Variants in FMN1 observed in about 807,000 individuals in gnomAD.
FMN1 encodes formin-1.
Under a neutral mutation model 132.4 loss-of-function variants are expected in FMN1, and 110 were observed. That is an observed-to-expected ratio of 0.83 (90% CI 0.71 to 0.97). FMN1 has a LOEUF of 0.97. FMN1 is among the 50% of genes least tolerant of loss of function. The pLI is 0.00. For missense variants in FMN1, 1,792 were observed against 1,705.3 expected, an observed-to-expected ratio of 1.05 and a Z score of -0.90; for synonymous variants, 722 against 651.7, an observed-to-expected ratio of 1.11 and a Z score of -1.64.
chr15:32,820,402 C>CA, intron 17 of FMN1, among the ~76,000 whole-genome samples: 1 of 152,230 alleles, frequency 6.6e-6, no homozygotes, highest in South Asian at 2.1e-4. Context: ...AAATATTTTG[C>CA]AAAATTAATC....
intron 9 of FMN1, among the ~76,000 whole-genome samples, chr15:32,960,853 G>A (rs1203332258): frequency 6.6e-6 from 1 of 151,374 alleles, no homozygotes; most frequent in Non-Finnish European, 1.5e-5. Flanking sequence ...AAATTAGCCG[G>A]GCATGGTGGT....
chr15:33,076,387 G>A (rs1448600432), intron 5 of FMN1, among the ~76,000 whole-genome samples: 1 of 152,158 alleles, frequency 6.6e-6, no homozygotes, highest in African/African-American at 2.4e-5. Context: ...CATGGCTACT[G>A]CTATAACTTT....
chr15:33,017,834 G>A (rs1212752139), intron 6 of FMN1, among the ~76,000 whole-genome samples: 1 of 152,202 alleles, frequency 6.6e-6, no homozygotes, highest in Non-Finnish European at 1.5e-5. Flanking sequence ...GGAGACTGAG[G>A]CGGACGGATT....
chr15:33,109,569 C>T (rs1390095472), intron 4 of FMN1, among the ~76,000 whole-genome samples: 1 of 152,024 alleles, frequency 6.6e-6, no homozygotes, highest in Non-Finnish European at 1.5e-5. Flanking sequence ...GGCTACTATC[C>T]TTAGCAAACT....
At chr15:32,776,997 A>G in intron 19 of FMN1, 78 bp from the exon 20 acceptor site, 7 of 867,590 alleles carry the variant, frequency 8.1e-6, no homozygotes, top group Non-Finnish European at 1.3e-5. Flanking sequence ...AAAAGAGTTA[A>G]GGCAGGTTAA....
intron 3 of FMN1, among the ~76,000 whole-genome samples, chr15:33,165,924 T>C (rs1965089492): frequency 6.6e-6 from 1 of 152,242 alleles, no homozygotes; most frequent in South Asian, 2.1e-4. Context: ...TATTTTTTGG[T>C]TGTTGTTGTT....
At chr15:32,962,802 C>T (rs1215272941) in intron 9 of FMN1, among the ~76,000 whole-genome samples, 1 of 151,778 alleles carries the variant, frequency 6.6e-6, no homozygotes, top group Non-Finnish European at 1.5e-5. Context: ...GATACCATCT[C>T]AAACCAGTTA....
In FMN1 at chr15:32,793,071, A is replaced by G. The variant is rs373722771; in HGVS notation, c.4130+5733T>C. Reference sequence around the variant, plus strand: ...AATGAACGTAAATCATTCTTTTAAAAGAAGTTAGAAGGGAAAAGGAGACGG... The same window carrying G: ...AATGAACGTAAATCATTCTTTTAAAGGAAGTTAGAAGGGAAAAGGAGACGG... On this transcript the variant is annotated intron_variant, in intron 19 of 20. Coordinates refer to ENST00000616417, the MANE Select transcript of FMN1 (RefSeq NM_001277313.2). Among the ~76,000 whole-genome samples the G allele has an allele frequency of 3.1e-4, 47 of 152,270 alleles. 1 individual carries two copies. In the East Asian group the frequency reaches 8.5e-3, roughly 28 times the overall value.
intron 6 of FMN1, among the ~76,000 whole-genome samples, chr15:33,035,330 T>C (rs1566850692): frequency 6.6e-6 from 1 of 152,226 alleles, no homozygotes; most frequent in Non-Finnish European, 1.5e-5. Flanking sequence ...TGCTAAATTT[T>C]AGTTAGCTAC....
intron 9 of FMN1, among the ~76,000 whole-genome samples, chr15:32,936,840 A>G (rs1262471790): frequency 6.6e-6 from 1 of 152,214 alleles, no homozygotes; most frequent in African/African-American, 2.4e-5. Flanking sequence ...ACTAGACACA[A>G]GCTCCACTCT....
At chr15:33,137,606 T>C (rs1487021543) in intron 4 of FMN1, among the ~76,000 whole-genome samples, 3 of 152,208 alleles carry the variant, frequency 2.0e-5, no homozygotes, top group Non-Finnish European at 2.9e-5. Context: ...TTTATTCAGA[T>C]TCCATACAAG....
At chr15:32,923,109 G>C (rs1394482455) in intron 10 of FMN1, among the ~76,000 whole-genome samples, 1 of 152,162 alleles carries the variant, frequency 6.6e-6, no homozygotes, top group Non-Finnish European at 1.5e-5. Context: ...TTTGTGCATG[G>C]CTAAAGGTGA....
intron 2 of FMN1, among the ~76,000 whole-genome samples, chr15:33,192,029 G>A (rs996168306): frequency 6.6e-6 from 1 of 152,104 alleles, no homozygotes; most frequent in Non-Finnish European, 1.5e-5. Context: ...CCCTAAACGT[G>A]GTCATACTAC....
At chr15:33,141,410 A>G (rs1209405152) in intron 4 of FMN1, among the ~76,000 whole-genome samples, 3 of 152,076 alleles carry the variant, frequency 2.0e-5, no homozygotes. Context: ...ATCCTCTCCC[A>G]TTACAAATAA....
intron 9 of FMN1, among the ~76,000 whole-genome samples, chr15:32,945,685 T>C (rs1433406722): frequency 6.6e-6 from 1 of 152,180 alleles, no homozygotes; most frequent in Non-Finnish European, 1.5e-5. Flanking sequence ...ATTCAAGATA[T>C]CAGAAATGAT....
intron 4 of FMN1, among the ~76,000 whole-genome samples, chr15:33,140,193 A>AAC (rs61485667): frequency 0.082 from 11,715 of 142,706 alleles, 574 homozygotes; most frequent in African/African-American, 0.13. Context: ...CCTATGGTTA[A>AAC]ACACACACAC....
intron 17 of FMN1, among the ~76,000 whole-genome samples, chr15:32,833,587 T>C (rs1337115919): frequency 1.3e-5 from 2 of 152,204 alleles, no homozygotes; most frequent in Non-Finnish European, 2.9e-5. Context: ...GACTTTGTTT[T>C]ATGGTTTAAT....
chr15:33,004,046 A>C (rs1596450639), intron 7 of FMN1, among the ~76,000 whole-genome samples: 1 of 152,294 alleles, frequency 6.6e-6, no homozygotes, highest in South Asian at 2.1e-4. Context: ...AATTAATTCA[A>C]AATGGATTAA....
chr15:33,015,705 T>TA (rs59255534), intron 6 of FMN1, among the ~76,000 whole-genome samples: 2,072 of 150,074 alleles, frequency 0.014, 14 homozygotes, highest in Non-Finnish European at 0.018. Flanking sequence ...ATATGTGACT[T>TA]AAAAAAAAAA....
Sources: gnomAD v4.1 joint callset for allele counts (sites outside exome capture counted in the v4.1 genomes callset) on GRCh38, gnomAD v4.1.1 for gene constraint, MANE v1.5 for transcripts, NCBI Gene and HGNC (gene_info 2026-07-23, HGNC 2026-07-21) for gene names.